Variants in PLPPR2 observed in about 807,000 individuals in gnomAD.
PLPPR2 encodes phospholipid phosphatase-related protein type 2.
PLPPR2 carries 11 observed loss-of-function variants against 40.3 expected under a neutral mutation model. That is an observed-to-expected ratio of 0.27 (90% CI 0.17 to 0.45). PLPPR2 has a LOEUF of 0.45. PLPPR2 is among the 20% of genes least tolerant of loss of function. The probability of loss-of-function intolerance (pLI) is 1.00; values close to 1 mark genes in which losing one functional copy is unlikely to be tolerated. For synonymous variants in PLPPR2, 260 were observed against 290.8 expected (o/e 0.89, Z 1.08); for missense variants, 497 against 640.7 (o/e 0.78, Z 2.42).
chr19:11,359,970 C>G lies in PLPPR2; in HGVS notation c.391+14C>G. ...TCCGCTTCCTGGGTGAGAGACATGG[C>G]CTGGGGTCAGCCCCATGGTAATGGT... On this transcript the variant is annotated intron_variant, in intron 5 of 9. Transcript: ENST00000688289. This position sits in a 1 kb window ranked among gnomAD's most constrained non-coding sequence, Gnocchi z 5.6. The G allele has an allele frequency of 6.3e-7, 1 of 1,591,424 alleles. No homozygotes were observed.
rs1004650380 is a variant in PLPPR2 at position 11,361,382 on chromosome 19, C to G, written c.557C>G (p.Thr186Ser). 1 of 1,611,190 alleles carries G rather than the reference C, an allele frequency of 6.2e-7. No homozygotes were observed. Among genetic ancestry groups the G allele is most frequent in the Non-Finnish European group, 8.5e-7 (1 of 1,179,874 alleles). ...PDRPGPDRFV[T>S]DQGACAGSPS... ...CGGCCAGGTCCCGACCGCTTTGTCA[C>G]TGACCAGGGTGCCTGCGCTGGCAGT... Residue 186 changes from threonine to serine, a missense_variant, in exon 6 of 10, where the codon ACT (threonine) becomes AGT (serine). Coordinates refer to ENST00000688289, the MANE Select transcript of PLPPR2 (RefSeq NM_001393892.1). The surrounding 1 kb of genome is among the most constrained non-coding windows in gnomAD (Gnocchi z 6.3).
intron 3 of PLPPR2, among the ~76,000 whole-genome samples, chr19:11,358,326 G>C (rs1967950275): frequency 6.6e-6 from 1 of 152,128 alleles, no homozygotes; most frequent in Admixed American, 6.5e-5. Context: ...AAAGTGCTGG[G>C]ATTACAGGCG....
At position 11,365,695 on chromosome 19, in the gene PLPPR2, A is replaced by C. The variant is rs1424969237; in HGVS notation, c.*1005A>C. On this transcript the variant is annotated 3_prime_UTR_variant, in exon 10 of 10. Coordinates refer to ENST00000688289, the MANE Select transcript of PLPPR2 (RefSeq NM_001393892.1). ...TCTTTAATAAAGACCTGTTTGTAACAGAAGTTTGGCCATCTGCCTTCCTCC... is the reference window on the plus strand; with the variant it reads ...TCTTTAATAAAGACCTGTTTGTAACCGAAGTTTGGCCATCTGCCTTCCTCC... 2.6e-5 allele frequency: 4 copies of C among 152,076 alleles called. No homozygotes were observed. Among genetic ancestry groups the C allele is most frequent in the Non-Finnish European group, 5.9e-5 (4 of 68,036 alleles). 9.4% of individuals were successfully genotyped at this position (152,076 alleles called of 1,614,324 possible). A position where few individuals can be genotyped will look rare whatever the true frequency, so the allele number is the denominator to read the frequency against.
rs1283155453 is a variant in PLPPR2 at position 11,361,582 on chromosome 19, C to T, written c.663+94C>T. The T allele has an allele frequency of 6.7e-7, 1 of 1,488,932 alleles. No individual in the cohort carries two copies. Among genetic ancestry groups the T allele is most frequent in the East Asian group, 2.3e-5 (1 of 43,610 alleles). 92.2% of individuals were successfully genotyped at this position (1,488,932 alleles called of 1,614,324 possible). Reference sequence around the variant, plus strand: ...CGCCAGGGTTGGAGCCTCTGCTCTTCCACGCCCCGGGTGCTGTTGGAAGCT... The same window carrying T: ...CGCCAGGGTTGGAGCCTCTGCTCTTTCACGCCCCGGGTGCTGTTGGAAGCT... On this transcript the variant is annotated intron_variant, in intron 6 of 9. Coordinates refer to ENST00000688289, the MANE Select transcript of PLPPR2 (RefSeq NM_001393892.1). The surrounding 1 kb of genome is among the most constrained non-coding windows in gnomAD (Gnocchi z 6.3).
Position 11,362,346 on chromosome 19 carries a change from C to T in PLPPR2, c.664-167C>T, listed in dbSNP as rs1486070442. 6.6e-6 allele frequency: 4 copies of T among 604,016 alleles called. No homozygotes were observed. Among genetic ancestry groups the T allele is most frequent in the South Asian group, 2.0e-5 (1 of 50,762 alleles). 37.4% of individuals were successfully genotyped at this position (604,016 alleles called of 1,614,324 possible). On this transcript the variant is annotated intron_variant, in intron 6 of 9. Coordinates refer to ENST00000688289, the MANE Select transcript of PLPPR2 (RefSeq NM_001393892.1). This position sits in a 1 kb window ranked among gnomAD's most constrained non-coding sequence, Gnocchi z 5.3. ...CCCCCCCCCTTTGCCTTTTTGGTCA[C>T]GCTCCCTGGAAAAGCCCACTGGGAG...
chr19:11,355,880 C>T (rs1465150675), intron 1 of PLPPR2, among the ~76,000 whole-genome samples: 10 of 151,544 alleles, frequency 6.6e-5, no homozygotes, highest in Admixed American at 1.3e-4. Context: ...GGGAGGTCCG[C>T]GGGTGTGTGT....
chr19:11,364,607 A>C lies in PLPPR2; in HGVS notation c.1276A>C (p.Thr426Pro). 5 of 1,536,638 alleles carry C rather than the reference A, an allele frequency of 3.3e-6. No homozygotes were observed. The highest frequency in any genetic ancestry group is 4.4e-6 in the Non-Finnish European group (5 of 1,146,786). ...CACGCCCCTGCTGCGGGACCTGTAC[A>C]CCCTGAGTGGACTCTATCCCTCCCC... ...LPTPLLRDLY[T>P]LSGLYPSPFH... The change falls in exon 10 of 10, where the codon ACC (threonine) becomes CCC (proline). Residue 426 changes from threonine (T) to proline (P), a missense_variant. Transcript: ENST00000688289. This position sits in a 1 kb window ranked among gnomAD's most constrained non-coding sequence, Gnocchi z 5.8.
At chr19:11,358,574 C>T (rs183135346) in intron 3 of PLPPR2, among the ~76,000 whole-genome samples, 1 of 152,134 alleles carries the variant, frequency 6.6e-6, no homozygotes, top group African/African-American at 2.4e-5. Context: ...TCTTCTCTCC[C>T]TCTCTCTACA....
In PLPPR2 at chr19:11,363,017, G is replaced by A. The variant is rs1435369952; in HGVS notation, c.840+328G>A. On this transcript the variant is annotated intron_variant, in intron 7 of 9. Transcript: ENST00000688289. The surrounding 1 kb of genome is among the most constrained non-coding windows in gnomAD (Gnocchi z 4.8). The stretch of plus-strand genomic sequence containing the variant: ...TCTAAATAAAGATGAATCAAGGCTG[G>A]GTGCGGTGGCTCACGCCTGTAATCC... Among the ~76,000 whole-genome samples the A allele has an allele frequency of 6.6e-6, 1 of 152,158 alleles. No individual in the cohort carries two copies. Among genetic ancestry groups the A allele is most frequent in the Non-Finnish European group, 1.5e-5 (1 of 68,036 alleles).
Position 11,357,655 on chromosome 19 carries a change from T to C in PLPPR2, c.-14-5T>C. On this transcript the variant is annotated splice_polypyrimidine_tract_variant and splice_region_variant and intron_variant, in intron 2 of 9. Coordinates refer to ENST00000688289, the MANE Select transcript of PLPPR2 (RefSeq NM_001393892.1). ...GGGACTCCCACTCCCTCCCCACCTC[T>C]GCAGGCCTGGCCTTCACCATGGCGG... 6.3e-7 allele frequency: 1 copy of C among 1,598,494 alleles called. No individual in the cohort carries two copies. The highest frequency in any genetic ancestry group is 8.5e-7 in the Non-Finnish European group (1 of 1,172,226).
Position 11,361,330 on chromosome 19 carries a change from C to T in PLPPR2, c.505C>T (p.Leu169=), listed in dbSNP as rs779808195. The change falls in exon 6 of 10, where the codon CTG becomes TTG. Residue 169 remains leucine (L), a synonymous_variant. Coordinates refer to ENST00000688289, the MANE Select transcript of PLPPR2 (RefSeq NM_001393892.1). The surrounding 1 kb of genome is among the most constrained non-coding windows in gnomAD (Gnocchi z 6.3). ...CGTGTGCCGCCCCAACTACACGGCC[C>T]TGGGCTGCCTGCCACCTTCTCCGGA... is the stretch of plus-strand genomic sequence containing the variant. ...LSVCRPNYTA[L]GCLPPSPDRP... The T allele has an allele frequency of 3.1e-6, 5 of 1,613,672 alleles. No homozygotes were observed. The Admixed American group carries it at 8.3e-5, about 27-fold the overall frequency.
intron 5 of PLPPR2, among the ~76,000 whole-genome samples, chr19:11,360,657 C>A (rs560631636): frequency 4.1e-4 from 62 of 152,062 alleles, no homozygotes; most frequent in African/African-American, 5.1e-4. Context: ...AGGACAAACA[C>A]CCTGGGGCCC....
Position 11,362,324 on chromosome 19 carries a change from C to G in PLPPR2, c.664-189C>G, listed in dbSNP as rs1376167926. The stretch of plus-strand genomic sequence containing the variant: ...CTCCAAGACCTCAATCCCTGACCCC[C>G]CCCCCTTTGCCTTTTTGGTCACGCT... On this transcript the variant is annotated intron_variant, in intron 6 of 9. Coordinates refer to ENST00000688289, the MANE Select transcript of PLPPR2 (RefSeq NM_001393892.1). This position sits in a 1 kb window ranked among gnomAD's most constrained non-coding sequence, Gnocchi z 5.3. 5 of 572,576 alleles carry G rather than the reference C, an allele frequency of 8.7e-6. No homozygotes were observed. The highest frequency in any genetic ancestry group is 1.5e-5 in the Non-Finnish European group (5 of 323,352). 35.5% of individuals were successfully genotyped at this position (572,576 alleles called of 1,614,324 possible). A position where few individuals can be genotyped will look rare whatever the true frequency, so the allele number is the denominator to read the frequency against.
At position 11,359,694 on chromosome 19, in the gene PLPPR2, C is replaced by G. The variant is rs72992932; in HGVS notation, c.229C>G (p.Leu77Val). Residue 77 changes from leucine to valine, a missense_variant, in exon 4 of 10, where the codon CTG (leucine) becomes GTG (valine). Transcript: ENST00000688289. The surrounding 1 kb of genome is among the most constrained non-coding windows in gnomAD (Gnocchi z 5.6). ...SRVPPALVYA[L>V]VTAGPTLTIL... Reference sequence around the variant, plus strand: ...AGTGCCTCCTGCTCTTGTCTACGCACTGGTCACTGCCGGGCCCACCCTCAC... The same window carrying G: ...AGTGCCTCCTGCTCTTGTCTACGCAGTGGTCACTGCCGGGCCCACCCTCAC... 10,262 of 1,602,722 alleles carry G rather than the reference C, an allele frequency of 6.4e-3. 125 individuals carry two copies. The highest frequency in any genetic ancestry group is 0.039 in the South Asian group (3,480 of 89,538).
chr19:11,362,792 C>A lies in PLPPR2; in HGVS notation c.840+103C>A. 1.5e-6 allele frequency: 2 copies of A among 1,294,638 alleles called. No individual in the cohort carries two copies. The allele number at this position is 1,294,638 out of a possible 1,614,324, so 80.2% of individuals were successfully genotyped here. ...GAGAAGGGTGTGGACTCTGTGTGAC[C>A]TTGGGCCAATCCCTTAACATTACCC... On this transcript the variant is annotated intron_variant, in intron 7 of 9. Coordinates refer to ENST00000688289, the MANE Select transcript of PLPPR2 (RefSeq NM_001393892.1). The surrounding 1 kb of genome is among the most constrained non-coding windows in gnomAD (Gnocchi z 5.3).
intron 5 of PLPPR2, among the ~76,000 whole-genome samples, chr19:11,360,439 A>G (rs1968012670): frequency 6.6e-6 from 1 of 152,142 alleles, no homozygotes; most frequent in Non-Finnish European, 1.5e-5. Context: ...CTCTTTAAAA[A>G]AAAGGGAATT....
Position 11,361,572 on chromosome 19 carries a change from CT to C in PLPPR2, c.663+85del. On this transcript the variant is annotated intron_variant, in intron 6 of 9. Transcript: ENST00000688289. This position sits in a 1 kb window ranked among gnomAD's most constrained non-coding sequence, Gnocchi z 6.3. ...GCTAGGAAGCCGCCAGGGTTGGAGC[CT>C]CTGCTCTTCCACGCCCCGGGTGCTG... 6.6e-7 allele frequency: 1 copy of C among 1,511,632 alleles called. No individual in the cohort carries two copies. The highest frequency in any genetic ancestry group is 8.8e-7 in the Non-Finnish European group (1 of 1,131,796). The allele number at this position is 1,511,632 out of a possible 1,614,324, so 93.6% of individuals were successfully genotyped here.
intron 3 of PLPPR2, among the ~76,000 whole-genome samples, chr19:11,358,029 CTGTGTGTGTGTGTGTGTGTGTGTG>C (rs751126799): frequency 2.0e-5 from 3 of 149,458 alleles, no homozygotes; most frequent in Non-Finnish European, 4.4e-5. Flanking sequence ...GGGCTGTTCT[CTGTGTGTGTGTGTGTGTGTGTGTG>C]TGTGTGTGTA....
rs1968072482 is a variant in PLPPR2, at chr19:11,362,387, C to A, written c.664-126C>A. 4.2e-6 allele frequency: 5 copies of A among 1,193,858 alleles called. No homozygotes were observed. In the East Asian group the frequency reaches 1.2e-4, roughly 29 times the overall value. The allele number at this position is 1,193,858 out of a possible 1,614,324, so 74.0% of individuals were successfully genotyped here. ...CCACTGGGAGCCCATGACTCCAACC[C>A]TGGAGCCCCTGGCCACTCCCTCCAG... On this transcript the variant is annotated intron_variant, in intron 6 of 9. Coordinates refer to ENST00000688289, the MANE Select transcript of PLPPR2 (RefSeq NM_001393892.1). This position sits in a 1 kb window ranked among gnomAD's most constrained non-coding sequence, Gnocchi z 5.3.
Sources: gnomAD v4.1 joint callset for allele counts (sites outside exome capture counted in the v4.1 genomes callset) on GRCh38, gnomAD v4.1.1 for gene constraint, Gnocchi (gnomAD v3.1) non-coding constraint, MANE v1.5 for transcripts, NCBI Gene and HGNC (gene_info 2026-07-23, HGNC 2026-07-21) for gene names.